MYH13: variants seen among roughly 807,000 people sequenced by gnomAD.
The protein encoded by MYH13 is myosin heavy chain 13, also known as myosin-13.
In MYH13, 177 loss-of-function variants were observed where a neutral mutation model predicts 232.1. The observed-to-expected ratio is 0.76, with a 90% CI of 0.67 to 0.86. The LOEUF (loss-of-function observed/expected upper bound fraction) is 0.86, where lower values mean the gene tolerates loss of function less well. MYH13 is among the 40% of genes least tolerant of loss of function. The pLI, the probability that MYH13 is intolerant of heterozygous loss-of-function variation, is 0.00. For missense variants in MYH13, 2,246 were observed against 2,405.9 expected (o/e 0.93, Z 1.39); for synonymous variants, 884 against 923.5 (o/e 0.96, Z 0.78).
intron 39 of MYH13, 83 bp from the exon 40 acceptor site, chr17:10,301,786 G>T: frequency 9.2e-6 from 14 of 1,528,158 alleles, no homozygotes; most frequent in Non-Finnish European, 1.2e-5. Flanking sequence ...GGCCTCTGAG[G>T]AGTTAAGCAA....
In MYH13 at chr17:10,340,391, T is replaced by A; in HGVS notation, c.1905A>T (p.Gly635=). 1 of 1,613,528 alleles carries A rather than the reference T, an allele frequency of 6.2e-7. No individual in the cohort carries two copies. Among genetic ancestry groups the A allele is most frequent in the Non-Finnish European group, 8.5e-7 (1 of 1,179,652 alleles). The part of the protein sequence containing the change: ...NYAGAETGDS[G]GSKKGGKKKG... ...TCTTCTTCCCGCCCTTCTTGCTTCCTCCGGAGTCGCCTGGAGACAGACACA... is the reference window on the plus strand; with the variant it reads ...TCTTCTTCCCGCCCTTCTTGCTTCCACCGGAGTCGCCTGGAGACAGACACA... Residue 635 remains glycine (G), a synonymous_variant, in exon 17 of 41, where the codon GGA becomes GGT. Transcript: ENST00000252172.
chr17:10,341,729 T>C lies in MYH13; in HGVS notation c.1895-1328A>G, dbSNP rs1237081710. ...TCCGCATCCACACAGGGTCTTATGT[T>C]AGAGTTGATGTTATCTCTAGGCGAG... On this transcript the variant is annotated intron_variant, in intron 16 of 40. Coordinates refer to ENST00000252172, the MANE Select transcript of MYH13 (RefSeq NM_003802.3). Among the ~76,000 whole-genome samples the C allele has an allele frequency of 3.3e-5, 5 of 152,298 alleles. No homozygotes were observed. The East Asian group carries it at 7.7e-4, about 24-fold the overall frequency.
chr17:10,305,730 C>G (rs1906255531), intron 37 of MYH13, among the ~76,000 whole-genome samples: 1 of 152,052 alleles, frequency 6.6e-6, no homozygotes, highest in Non-Finnish European at 1.5e-5. Flanking sequence ...CCACATGGGT[C>G]TAAAAGGAAA....
chr17:10,327,095 A>G (rs8068114), intron 22 of MYH13, among the ~76,000 whole-genome samples: 12,872 of 21,312 alleles, frequency 0.6, 5,647 homozygotes, highest in East Asian at 0.96. Context: ...TCCGCCTCCC[A>G]GGTTCACGCC....
At position 10,362,466 on chromosome 17, in the gene MYH13, T is replaced by C. The variant is rs150555511; in HGVS notation, c.242A>G (p.Asn81Ser). ...CTCGATCTTGTCAAATTTGGGAGGG[T>C]TCATGGGGAAGACCTGGTCATTGTT... ...TLNNDQVFPM[N>S]PPKFDKIEDM... Residue 81 changes from asparagine (N) to serine (S), a missense_variant, in exon 4 of 41, where the codon AAC (asparagine) becomes AGC (serine). Coordinates refer to ENST00000252172, the MANE Select transcript of MYH13 (RefSeq NM_003802.3). 1 of 1,613,418 alleles carries C rather than the reference T, an allele frequency of 6.2e-7. No homozygotes were observed. Among genetic ancestry groups the C allele is most frequent in the Non-Finnish European group, 8.5e-7 (1 of 1,179,884 alleles).
intron 28 of MYH13, 31 bp downstream of exon 28, chr17:10,315,868 C>G (rs200016286): frequency 1.2e-6 from 2 of 1,613,922 alleles, no homozygotes; most frequent in Non-Finnish European, 1.7e-6. Flanking sequence ...TCCCATGGCC[C>G]GGCTGGACCC....
chr17:10,362,009 T>G (rs1025607822), intron 5 of MYH13, 109 bp downstream of exon 5: 2 of 1,594,666 alleles, frequency 1.3e-6, no homozygotes, highest in Non-Finnish European at 1.7e-6. Context: ...CATCTGACTC[T>G]CCGAAGATCC....
chr17:10,362,048 AC>A (rs1286558149), intron 5 of MYH13, 69 bp downstream of exon 5: 1 of 1,611,210 alleles, frequency 6.2e-7, no homozygotes, highest in African/African-American at 1.3e-5. Context: ...CAGATGGCCA[AC>A]GCCCATCAAA....
At chr17:10,344,215 T>C in intron 15 of MYH13, 106 bp from the exon 16 acceptor site, 2 of 1,481,436 alleles carry the variant, frequency 1.4e-6, no homozygotes, top group Non-Finnish European at 1.8e-6. Context: ...GTACCAGGAA[T>C]GCTGGCATGT....
intron 5 of MYH13, among the ~76,000 whole-genome samples, chr17:10,361,691 C>T (rs1001041552): frequency 3.9e-5 from 6 of 152,174 alleles, no homozygotes; most frequent in Admixed American, 3.3e-4. Flanking sequence ...GTTACCATGT[C>T]CTTACTCCCC....
Position 10,322,790 on chromosome 17 carries a change from C to T in MYH13, c.2935-1082G>A, listed in dbSNP as rs189434152. 2.7e-3 allele frequency among the ~76,000 whole-genome samples: 417 copies of T among 152,072 alleles called. No homozygotes were observed. In the Middle Eastern group the frequency reaches 0.031, roughly 11 times the overall value. The stretch of plus-strand genomic sequence containing the variant: ...CTGGGACTACAGGCGTCCGCCACCA[C>T]GCCCGGCTAATTTTTTGTATTTTTA... On this transcript the variant is annotated intron_variant, in intron 23 of 40. Transcript: ENST00000252172.
chr17:10,351,542 G>T (rs200877965), intron 11 of MYH13, among the ~76,000 whole-genome samples: 1 of 152,164 alleles, frequency 6.6e-6, no homozygotes, highest in African/African-American at 2.4e-5. Flanking sequence ...CTAGACATTG[G>T]GTAGGCATCA....
At chr17:10,305,085 T>G (rs1299254628) in intron 37 of MYH13, among the ~76,000 whole-genome samples, 2 of 152,330 alleles carry the variant, frequency 1.3e-5, no homozygotes, top group Middle Eastern at 3.4e-3. Flanking sequence ...CCAGGAAATG[T>G]CTTCCATCAG....
rs769014533 is a variant in MYH13, at chr17:10,350,610, T to C, written c.1090A>G (p.Met364Val). ...TCACGCTGCTTCTGCTTGAACTTCA[T>C]GTTCCCATAATGCATCACGGCTCCC... ...LTGAVMHYGN[M>V]KFKQKQREEQ... The change falls in exon 12 of 41, where the codon ATG (methionine) becomes GTG (valine). Residue 364 changes from methionine to valine, a missense_variant. Coordinates refer to ENST00000252172, the MANE Select transcript of MYH13 (RefSeq NM_003802.3). The C allele has an allele frequency of 1.9e-6, 3 of 1,613,826 alleles. No individual in the cohort carries two copies. Among genetic ancestry groups the C allele is most frequent in the Non-Finnish European group, 2.5e-6 (3 of 1,179,962 alleles).
At chr17:10,305,435 T>C (rs534919035) in intron 37 of MYH13, among the ~76,000 whole-genome samples, 2 of 152,226 alleles carry the variant, frequency 1.3e-5, no homozygotes, top group Non-Finnish European at 2.9e-5. Context: ...TCTATGGCCT[T>C]GTTGTTTTTA....
chr17:10,359,819 G>A, intron 7 of MYH13, 141 bp downstream of exon 7: 1 of 710,306 alleles, frequency 1.4e-6, no homozygotes, highest in Non-Finnish European at 2.4e-6. Flanking sequence ...CACGTTCTGT[G>A]TGAGGATACA....
chr17:10,347,555 A>G (rs747477999), intron 12 of MYH13, among the ~76,000 whole-genome samples: 4 of 152,080 alleles, frequency 2.6e-5, no homozygotes, highest in Non-Finnish European at 5.9e-5. Flanking sequence ...ATGTTTGGAG[A>G]TGGTCAAAAG....
Position 10,340,519 on chromosome 17 carries a change from G to C in MYH13, c.1895-118C>G, listed in dbSNP as rs2071612945. ...TTTCCTTTTGACATAAGAGACTTGAGGTTTTGTTTGTTTGTTTTAGACGGA... is the reference window on the plus strand; with the variant it reads ...TTTCCTTTTGACATAAGAGACTTGACGTTTTGTTTGTTTGTTTTAGACGGA... On this transcript the variant is annotated intron_variant, in intron 16 of 40. Transcript: ENST00000252172. The C allele has an allele frequency of 1.6e-5, 12 of 750,310 alleles. 1 individual carries two copies. In the South Asian group the frequency reaches 2.1e-4, roughly 13 times the overall value. 46.5% of individuals were successfully genotyped at this position (750,310 alleles called of 1,614,324 possible). A position where few individuals can be genotyped will look rare whatever the true frequency, so the allele number is the denominator to read the frequency against.
At chr17:10,329,647 C>CT (rs1907342897) in intron 21 of MYH13, among the ~76,000 whole-genome samples, 1 of 152,136 alleles carries the variant, frequency 6.6e-6, no homozygotes, top group Admixed American at 6.6e-5. Context: ...GGGCTTCCTC[C>CT]CAGACCACCC....
Sources: gnomAD v4.1 joint callset for allele counts (sites outside exome capture counted in the v4.1 genomes callset) on GRCh38, gnomAD v4.1.1 for gene constraint, MANE v1.5 for transcripts, NCBI Gene and HGNC (gene_info 2026-07-23, HGNC 2026-07-21) for gene names.